The following ANKRD17 variants were observed in gnomAD, a reference collection of about 807,000 sequenced individuals.
ANKRD17 encodes the protein ankyrin repeat domain 17, also known as ankyrin repeat domain-containing protein 17.
ANKRD17 carries 19 observed loss-of-function variants against 229.7 expected under a neutral mutation model. That is an observed-to-expected ratio of 0.08 (90% confidence interval 0.06 to 0.12). ANKRD17 has a LOEUF of 0.12. Ranked by LOEUF, ANKRD17 falls within the 10% of genes least tolerant of loss-of-function variation. The pLI, the probability that ANKRD17 is intolerant of heterozygous loss-of-function variation, is 1.00. For synonymous variants in ANKRD17, 1,112 were observed against 1,146.1 expected (o/e 0.97, Z 0.60); for missense variants, 2,176 against 3,176.8 (o/e 0.68, Z 7.57).
chr4:73,108,818 T>C (rs1186308937), intron 24 of ANKRD17, among the ~76,000 whole-genome samples: 2 of 152,116 alleles, frequency 1.3e-5, no homozygotes, highest in African/African-American at 2.4e-5. Flanking sequence ...AGCTAAAAGG[T>C]TGAGGCAAGA....
At position 73,258,509 on chromosome 4, in the gene ANKRD17, T is replaced by G. The variant is rs1745695068; in HGVS notation, c.160A>C (p.Met54Leu). ...AGGAGCAGGTCGCAGACTCGCACCA[T>G]CCCACGAGGAGACGAGGCCGAGCGA... ...RARSASSPRG[M>L]VRVCDLLLKK... The change falls in exon 1 of 34, where the codon ATG becomes CTG. Residue 54 changes from methionine (M) to leucine (L), a missense_variant. This residue lies in a region of ANKRD17 where 196 missense variants were observed against 190.0 expected (regional missense o/e 1.03). Coordinates refer to ENST00000358602, the MANE Select transcript of ANKRD17 (RefSeq NM_032217.5). The G allele has an allele frequency of 6.4e-7, 1 of 1,552,692 alleles. No individual in the cohort carries two copies. Among genetic ancestry groups the G allele is most frequent in the Admixed American group, 1.9e-5 (1 of 51,708 alleles).
At chr4:73,127,594 A>G (rs999292885) in intron 16 of ANKRD17, among the ~76,000 whole-genome samples, 8 of 152,060 alleles carry the variant, frequency 5.3e-5, no homozygotes, top group African/African-American at 1.7e-4. Flanking sequence ...AATTCCTGGG[A>G]GGTAAGGAAC....
At chr4:73,092,937 TC>T (rs1430667997) in intron 28 of ANKRD17, among the ~76,000 whole-genome samples, 1 of 152,154 alleles carries the variant, frequency 6.6e-6, no homozygotes, top group African/African-American at 2.4e-5. Context: ...TGCTGGATCT[TC>T]AGGAAAATAT....
intron 1 of ANKRD17, among the ~76,000 whole-genome samples, chr4:73,211,847 CAAAA>C (rs567271450): frequency 8.0e-5 from 4 of 49,746 alleles, no homozygotes; most frequent in Admixed American, 2.1e-4. Flanking sequence ...AACTCTGTCT[CAAAA>C]AAAAAAAAAA....
At chr4:73,093,071 C>T (rs566729868) in intron 28 of ANKRD17, among the ~76,000 whole-genome samples, 1 of 152,094 alleles carries the variant, frequency 6.6e-6, no homozygotes, top group South Asian at 2.1e-4. Flanking sequence ...AAGGAGAGGA[C>T]GATGAATAAA....
intron 1 of ANKRD17, among the ~76,000 whole-genome samples, chr4:73,202,920 A>T (rs1738868722): frequency 6.6e-6 from 1 of 152,256 alleles, no homozygotes; most frequent in South Asian, 2.1e-4. Context: ...GATTTAAAGA[A>T]AATGTGAAAC....
intron 27 of ANKRD17, among the ~76,000 whole-genome samples, chr4:73,096,845 T>G (rs1411656066): frequency 3.3e-5 from 5 of 152,238 alleles, no homozygotes; most frequent in Non-Finnish European, 5.9e-5. Flanking sequence ...AATACTTCTT[T>G]GTATTATATA....
At chr4:73,211,708 G>C (rs1436181579) in intron 1 of ANKRD17, among the ~76,000 whole-genome samples, 1 of 151,942 alleles carries the variant, frequency 6.6e-6, no homozygotes, top group Non-Finnish European at 1.5e-5. Flanking sequence ...TTAGCTGGGC[G>C]TGGTGGCAGG....
chr4:73,249,220 A>G (rs1744766291), intron 1 of ANKRD17, among the ~76,000 whole-genome samples: 1 of 152,208 alleles, frequency 6.6e-6, no homozygotes, highest in Non-Finnish European at 1.5e-5. Flanking sequence ...CAGACCAAGA[A>G]ATAACTTTAG....
At chr4:73,221,314 T>TA (rs1014681561) in intron 1 of ANKRD17, among the ~76,000 whole-genome samples, 2 of 152,060 alleles carry the variant, frequency 1.3e-5, no homozygotes, top group Non-Finnish European at 2.9e-5. Context: ...AACATGGTAT[T>TA]AAACAATTGA....
intron 16 of ANKRD17, among the ~76,000 whole-genome samples, chr4:73,129,542 T>C (rs2148747186): frequency 6.6e-6 from 1 of 152,048 alleles, no homozygotes; most frequent in Non-Finnish European, 1.5e-5. Context: ...CTGGGCAACA[T>C]GGCAAGACCC....
At chr4:73,187,568 A>G (rs747736152) in intron 1 of ANKRD17, among the ~76,000 whole-genome samples, 12 of 152,216 alleles carry the variant, frequency 7.9e-5, no homozygotes, top group Non-Finnish European at 1.8e-4. Flanking sequence ...ATACTGAAGT[A>G]ACCAATGGAA....
chr4:73,097,071 CTG>C (rs774822951), intron 27 of ANKRD17, 44 bp downstream of exon 27: 21 of 1,556,702 alleles, frequency 1.3e-5, no homozygotes, highest in African/African-American at 7.0e-5. Context: ...TAACACTTGA[CTG>C]TGATATATAG....
intron 2 of ANKRD17, among the ~76,000 whole-genome samples, chr4:73,173,839 C>T (rs1343113355): frequency 1.3e-5 from 2 of 152,124 alleles, no homozygotes; most frequent in Non-Finnish European, 2.9e-5. Context: ...GAAGCCATCC[C>T]TGACTGCATC....
At chr4:73,107,121 T>C (rs1724740310) in intron 24 of ANKRD17, among the ~76,000 whole-genome samples, 1 of 152,068 alleles carries the variant, frequency 6.6e-6, no homozygotes, top group Admixed American at 6.6e-5. Flanking sequence ...ATAATAATCA[T>C]GATGACAGTG....
intron 25 of ANKRD17, chr4:73,100,819 T>C (rs1303660842): frequency 1.0e-6 from 1 of 982,884 alleles, no homozygotes; most frequent in East Asian, 1.1e-4. Flanking sequence ...AGAAGGGAAA[T>C]TAAAAACAAA....
chr4:73,089,311 C>G (rs568637271), intron 29 of ANKRD17, among the ~76,000 whole-genome samples: 5 of 151,780 alleles, frequency 3.3e-5, no homozygotes, highest in African/African-American at 9.7e-5. Context: ...GCTGGGATTA[C>G]GGGCACAAGC....
At chr4:73,077,266 A>T in intron 32 of ANKRD17, 89 bp downstream of exon 32, 1 of 1,364,852 alleles carries the variant, frequency 7.3e-7, no homozygotes, top group East Asian at 2.5e-5. Context: ...AACTTATTTT[A>T]ACATTAGATT....
At chr4:73,162,303 G>A (rs1732637353) in intron 2 of ANKRD17, among the ~76,000 whole-genome samples, 1 of 152,108 alleles carries the variant, frequency 6.6e-6, no homozygotes, top group Non-Finnish European at 1.5e-5. Flanking sequence ...TCCGGCCTCA[G>A]CATGCCAAAG....
Sources: allele counts gnomAD v4.1 joint callset (sites outside exome capture counted in the v4.1 genomes callset), GRCh38; gene constraint gnomAD v4.1.1; regional missense constraint gnomAD v4.1.1; transcripts MANE v1.5; gene names NCBI Gene and HGNC (gene_info 2026-07-23, HGNC 2026-07-21).